FOXN3: variants seen among roughly 807,000 people sequenced by gnomAD.
The protein encoded by FOXN3 is forkhead box N3.
Under a neutral mutation model 38.4 loss-of-function variants are expected in FOXN3, and 7 were observed. That is an observed-to-expected ratio of 0.18 (90% confidence interval 0.10 to 0.34). The LOEUF is 0.34. Ranked by LOEUF, FOXN3 falls within the 10% of genes least tolerant of loss-of-function variation. The pLI, the probability that FOXN3 is intolerant of heterozygous loss-of-function variation, is 1.00. For synonymous variants in FOXN3, 230 were observed against 242.2 expected (o/e 0.95, Z 0.47); for missense variants, 456 against 613.4 (o/e 0.74, Z 2.71).
intron 3 of FOXN3, among the ~76,000 whole-genome samples, chr14:89,308,419 C>T (rs1887439457): frequency 6.6e-6 from 1 of 152,248 alleles, no homozygotes; most frequent in Admixed American, 6.5e-5. Context: ...TGCAGATGCA[C>T]GCACTTGCTG....
intron 3 of FOXN3, among the ~76,000 whole-genome samples, chr14:89,287,184 T>C (rs992479815): frequency 1.3e-5 from 2 of 152,208 alleles, no homozygotes; most frequent in Non-Finnish European, 2.9e-5. Flanking sequence ...GACAGAGTCT[T>C]GCTCTGTCGT....
intron 1 of FOXN3, among the ~76,000 whole-genome samples, chr14:89,606,082 C>T (rs911010317): frequency 2.6e-5 from 4 of 151,528 alleles, no homozygotes; most frequent in South Asian, 2.1e-4. Flanking sequence ...ACTGCGATGG[C>T]ACAGAGATTA....
chr14:89,365,759 T>C (rs1002503135), intron 2 of FOXN3, among the ~76,000 whole-genome samples: 2 of 152,202 alleles, frequency 1.3e-5, no homozygotes, highest in Non-Finnish European at 2.9e-5. Context: ...ATACTTCTAA[T>C]AGCTGCCATG....
rs1887027586 is a variant in FOXN3, at chr14:89,158,462, T to A, written c.*3952A>T. 6.5e-6 allele frequency: 1 copy of A among 152,742 alleles called. No individual in the cohort carries two copies. The highest frequency in any genetic ancestry group is 6.5e-5 in the Admixed American group (1 of 15,304). 9.5% of individuals were successfully genotyped at this position (152,742 alleles called of 1,614,324 possible). ...CATTCCTTCTTAAAAACTCCCAAGA[T>A]TGAGACCTGCCACAATCGTTTTGGC... On this transcript the variant is annotated 3_prime_UTR_variant, in exon 6 of 6. Coordinates refer to ENST00000557258, the MANE Select transcript of FOXN3 (RefSeq NM_005197.4).
chr14:89,186,621 T>C (rs1191166600), intron 4 of FOXN3, among the ~76,000 whole-genome samples: 5 of 152,192 alleles, frequency 3.3e-5, no homozygotes, highest in African/African-American at 4.8e-5. Context: ...CCATGTCCCA[T>C]GCTGACTGTT....
At chr14:89,496,635 T>A (rs1893689124) in intron 1 of FOXN3, among the ~76,000 whole-genome samples, 3 of 152,218 alleles carry the variant, frequency 2.0e-5, no homozygotes, top group Admixed American at 2.0e-4. Flanking sequence ...ATGTTTTTAT[T>A]GTGGTAAAAT....
intron 1 of FOXN3, among the ~76,000 whole-genome samples, chr14:89,597,841 C>A (rs1896089628): frequency 6.6e-6 from 1 of 152,050 alleles, no homozygotes; most frequent in Non-Finnish European, 1.5e-5. Flanking sequence ...CTCTTTAAAG[C>A]ATAGTTTTAA....
At chr14:89,192,705 A>G (rs2139810221) in intron 4 of FOXN3, among the ~76,000 whole-genome samples, 1 of 145,492 alleles carries the variant, frequency 6.9e-6, no homozygotes, top group South Asian at 2.1e-4. Context: ...TATAATGGTT[A>G]ATAGTTTATA....
chr14:89,245,710 C>A (rs139569529), intron 4 of FOXN3, among the ~76,000 whole-genome samples: 1 of 152,194 alleles, frequency 6.6e-6, no homozygotes, highest in Admixed American at 6.5e-5. Context: ...TAAAAGAATG[C>A]TTCAAAATTC....
chr14:89,323,925 G>C (rs983778129), intron 3 of FOXN3, among the ~76,000 whole-genome samples: 2 of 152,102 alleles, frequency 1.3e-5, no homozygotes, highest in African/African-American at 4.8e-5. Flanking sequence ...TGTAACCTTG[G>C]ATGTGTTTTA....
rs1377150645 is a variant in FOXN3 at position 89,363,971 on chromosome 14, TATATATATATATATATA to T, written c.544-13180_544-13164del. On this transcript the variant is annotated intron_variant, in intron 2 of 5. Coordinates refer to ENST00000557258, the MANE Select transcript of FOXN3 (RefSeq NM_005197.4). Reference sequence around the variant, plus strand: ...AAATATATATATATATATATATATATATATATATATATATATAATATATATATATATTCTTCCATATC... The same window carrying T: ...AAATATATATATATATATATATATATATATATATATATATTCTTCCATATC... Among the ~76,000 whole-genome samples, 117 of 49,438 alleles carry T rather than the reference TATATATATATATATATA, an allele frequency of 2.4e-3. 4 individuals carry two copies. The highest frequency in any genetic ancestry group is 7.7e-3 in the African/African-American group (106 of 13,848). 32.4% of individuals were successfully genotyped at this position (49,438 alleles called of 152,430 possible).
At chr14:89,573,208 T>C (rs540292240) in intron 1 of FOXN3, among the ~76,000 whole-genome samples, 3 of 152,250 alleles carry the variant, frequency 2.0e-5, no homozygotes, top group African/African-American at 7.2e-5. Context: ...GTGGGAAAGG[T>C]GCTGAGCCAG....
intron 1 of FOXN3, among the ~76,000 whole-genome samples, chr14:89,453,633 G>C (rs1031545346): frequency 4.0e-5 from 6 of 149,332 alleles, no homozygotes; most frequent in Admixed American, 3.3e-4. Context: ...TACGACCATC[G>C]TGTATCCATA....
At chr14:89,265,156 G>A (rs1269354641) in intron 4 of FOXN3, among the ~76,000 whole-genome samples, 1 of 152,152 alleles carries the variant, frequency 6.6e-6, no homozygotes, top group African/African-American at 2.4e-5. Flanking sequence ...GGTGTACAGG[G>A]CAGGTGTTAA....
chr14:89,567,289 A>G (rs17126053), intron 1 of FOXN3, among the ~76,000 whole-genome samples: 33,606 of 152,144 alleles, frequency 0.22, 4,584 homozygotes, highest in East Asian at 0.46. Context: ...GTCAGCAACA[A>G]TTCTTTCTTG....
intron 4 of FOXN3, among the ~76,000 whole-genome samples, chr14:89,201,042 G>A (rs969367621): frequency 8.5e-5 from 13 of 152,182 alleles, no homozygotes; most frequent in African/African-American, 3.1e-4. Context: ...AAGAGGCAGG[G>A]GGTTTTGATT....
At chr14:89,238,772 A>C (rs907311506) in intron 4 of FOXN3, among the ~76,000 whole-genome samples, 1 of 152,152 alleles carries the variant, frequency 6.6e-6, no homozygotes, top group African/African-American at 2.4e-5. Context: ...TGAGCTTAAA[A>C]CCTCATAATG....
At position 89,277,864 on chromosome 14, in the gene FOXN3, C is replaced by T. The variant is rs1044509760; in HGVS notation, c.745+3086G>A. Among the ~76,000 whole-genome samples, 7 of 152,266 alleles carry T rather than the reference C, an allele frequency of 4.6e-5. No individual in the cohort carries two copies. The East Asian group carries it at 5.8e-4, about 13-fold the overall frequency. On this transcript the variant is annotated intron_variant, in intron 4 of 5. Transcript: ENST00000557258. Reference sequence around the variant, plus strand: ...AGGTGTCTATGAAGTGCTCAGGTTCCGCGCTGTTGCTATGGTCTCTGTGAA... The same window carrying T: ...AGGTGTCTATGAAGTGCTCAGGTTCTGCGCTGTTGCTATGGTCTCTGTGAA...
chr14:89,212,534 G>C (rs975835884), intron 4 of FOXN3, among the ~76,000 whole-genome samples: 3 of 152,174 alleles, frequency 2.0e-5, no homozygotes, highest in Non-Finnish European at 4.4e-5. Flanking sequence ...TTGCAGGGGT[G>C]GCAGTGGGCT....
Sources: gnomAD v4.1 joint callset for allele counts (sites outside exome capture counted in the v4.1 genomes callset) on GRCh38, gnomAD v4.1.1 for gene constraint, MANE v1.5 for transcripts, NCBI Gene and HGNC (gene_info 2026-07-23, HGNC 2026-07-21) for gene names.